Variants in KCNV1 observed in about 807,000 individuals in gnomAD.
KCNV1 encodes the protein potassium voltage-gated channel subfamily V member 1.
KCNV1 carries 2 observed loss-of-function variants against 36.4 expected under a neutral mutation model. The ratio of observed to expected loss-of-function variants is 0.05; its 90% confidence interval spans 0.02 to 0.17. The LOEUF (loss-of-function observed/expected upper bound fraction) is 0.17, where lower values mean the gene tolerates loss of function less well. Ranked by LOEUF, KCNV1 falls within the 10% of genes least tolerant of loss-of-function variation. KCNV1 has a pLI of 1.00. For missense variants in KCNV1, 321 were observed against 643.6 expected (o/e 0.50, Z 5.42); for synonymous variants, 280 against 261.1 (o/e 1.07, Z -0.70).
chr8:109,964,210 G>A lies in KCNV1; in HGVS notation c.*3878C>T, dbSNP rs1306222510. The A allele has an allele frequency of 2.0e-5, 3 of 151,398 alleles. No individual in the cohort carries two copies. The highest frequency in any genetic ancestry group is 4.4e-5 in the Non-Finnish European group (3 of 67,890). The allele number at this position is 151,398 out of a possible 1,614,324, so 9.4% of individuals were successfully genotyped here. The stretch of plus-strand genomic sequence containing the variant: ...GGATATGAACAGACACTTTTCAAAA[G>A]AAAACATACATGCAGCCAACAATGA... On this transcript the variant is annotated 3_prime_UTR_variant, in exon 4 of 4. Coordinates refer to ENST00000524391, the MANE Select transcript of KCNV1 (RefSeq NM_014379.4).
In KCNV1 at chr8:109,973,921, G is replaced by C. The variant is rs1450425730; in HGVS notation, c.461+7C>G. The C allele has an allele frequency of 6.3e-7, 1 of 1,582,366 alleles. No homozygotes were observed. The highest frequency in any genetic ancestry group is 8.6e-7 in the Non-Finnish European group (1 of 1,162,658). On this transcript the variant is annotated splice_region_variant and intron_variant, in intron 2 of 3. Coordinates refer to ENST00000524391, the MANE Select transcript of KCNV1 (RefSeq NM_014379.4). ...CCCCGCCCAGCCGCCGCGTGCCTCCGGGGTACCTGTCCCTGCAGCAGGAAT... is the reference window on the plus strand; with the variant it reads ...CCCCGCCCAGCCGCCGCGTGCCTCCCGGGTACCTGTCCCTGCAGCAGGAAT...
chr8:109,970,926 C>A (rs1289931390), intron 3 of KCNV1, among the ~76,000 whole-genome samples: 1 of 152,042 alleles, frequency 6.6e-6, no homozygotes, highest in Non-Finnish European at 1.5e-5. Flanking sequence ...TTATTGGAAA[C>A]CCCATTATCA....
In KCNV1 at chr8:109,974,344, G is replaced by T. The variant is rs1189193664; in HGVS notation, c.45C>A (p.Ser15Arg). 1.3e-6 allele frequency: 2 copies of T among 1,536,002 alleles called. No individual in the cohort carries two copies. Among genetic ancestry groups the T allele is most frequent in the African/African-American group, 1.4e-5 (1 of 73,120 alleles). ...TAGAGTCCAGGGAGGTCAGGGAGCC[G>T]CTGTCCAGCGGCGAGTCCAGCAGCG... ...GRALLDSPLD[S>R]GSLTSLDSSV... Residue 15 changes from serine to arginine, a missense_variant, in exon 2 of 4, where the codon AGC becomes AGA. Physicochemically the swap from Ser to Arg is moderately radical, Grantham distance 110. Coordinates refer to ENST00000524391, the MANE Select transcript of KCNV1 (RefSeq NM_014379.4). This position sits in a 1 kb window ranked among gnomAD's most constrained non-coding sequence, Gnocchi z 6.2.
At position 109,964,166 on chromosome 8, in the gene KCNV1, C is replaced by T. The variant is rs559457550; in HGVS notation, c.*3922G>A. The stretch of plus-strand genomic sequence containing the variant: ...AACAAATTTACAAGAAAAAAAAATC[C>T]CATTAAAAAGTGGGCAAAGGATATG... On this transcript the variant is annotated 3_prime_UTR_variant, in exon 4 of 4. Coordinates refer to ENST00000524391, the MANE Select transcript of KCNV1 (RefSeq NM_014379.4). The T allele has an allele frequency of 2.2e-4, 34 of 151,760 alleles. No homozygotes were observed. In the East Asian group the frequency reaches 5.2e-3, roughly 23 times the overall value. 9.4% of individuals were successfully genotyped at this position (151,760 alleles called of 1,614,324 possible).
chr8:109,973,159 T>A (rs1703474896), intron 2 of KCNV1, among the ~76,000 whole-genome samples: 1 of 152,054 alleles, frequency 6.6e-6, no homozygotes, highest in African/African-American at 2.4e-5. Context: ...TTTTGTATTT[T>A]TAGTAGAGAC....
In KCNV1 at chr8:109,974,038, G is replaced by A; in HGVS notation, c.351C>T (p.Tyr117=). The A allele has an allele frequency of 6.2e-7, 1 of 1,613,394 alleles. No individual in the cohort carries two copies. Among genetic ancestry groups the A allele is most frequent in the South Asian group, 1.1e-5 (1 of 90,966 alleles). Residue 117 remains tyrosine (Y), a synonymous_variant, in exon 2 of 4, where the codon TAC becomes TAT. Transcript: ENST00000524391. The surrounding 1 kb of genome is among the most constrained non-coding windows in gnomAD (Gnocchi z 6.2). Reference sequence around the variant, plus strand: ...CCATGACATGCAGGCGGCCGGTGCGGTAGTAGTGCAGGACATATCGGAACG... The same window carrying A: ...CCATGACATGCAGGCGGCCGGTGCGATAGTAGTGCAGGACATATCGGAACG... ...SQAFRYVLHY[Y]RTGRLHVMEQ...
chr8:109,974,389 C>G lies in KCNV1; in HGVS notation c.-1G>C, dbSNP rs926210428. ...GCAGCGCTCTGCCGCTGGAAGGCATCTCTAACCCAGTCGCCGCGGCCTGAG... is the reference window on the plus strand; with the variant it reads ...GCAGCGCTCTGCCGCTGGAAGGCATGTCTAACCCAGTCGCCGCGGCCTGAG... On this transcript the variant is annotated 5_prime_UTR_variant, in exon 2 of 4. Coordinates refer to ENST00000524391, the MANE Select transcript of KCNV1 (RefSeq NM_014379.4). This position sits in a 1 kb window ranked among gnomAD's most constrained non-coding sequence, Gnocchi z 6.2. The G allele has an allele frequency of 1.4e-6, 2 of 1,473,454 alleles. No homozygotes were observed. The highest frequency in any genetic ancestry group is 1.8e-6 in the Non-Finnish European group (2 of 1,118,036). 91.3% of individuals were successfully genotyped at this position (1,473,454 alleles called of 1,614,324 possible).
chr8:109,969,805 A>T (rs932415811), intron 3 of KCNV1, among the ~76,000 whole-genome samples: 1 of 151,338 alleles, frequency 6.6e-6, no homozygotes, highest in African/African-American at 2.4e-5. Context: ...AGATCACGCC[A>T]TTGCAATCCA....
Position 109,972,347 on chromosome 8 carries a change from G to A in KCNV1, c.902C>T (p.Thr301Met). Residue 301 changes from threonine (T) to methionine (M), a missense_variant, in exon 3 of 4, where the codon ACG becomes ATG. By Grantham distance (81) the Thr-to-Met change is moderately conservative (BLOSUM62 -1). Transcript: ENST00000524391. This position sits in a 1 kb window ranked among gnomAD's most constrained non-coding sequence, Gnocchi z 5.2. ...LVESLSGSQT[T>M]QELENVGRIV... ...GCGCCCCACGTTCTCCAGCTCCTGCGTGGTCTGGCTCCCACTTAGGCTCTC... is the reference window on the plus strand; with the variant it reads ...GCGCCCCACGTTCTCCAGCTCCTGCATGGTCTGGCTCCCACTTAGGCTCTC... 6.2e-7 allele frequency: 1 copy of A among 1,614,120 alleles called. No homozygotes were observed. Among genetic ancestry groups the A allele is most frequent in the Non-Finnish European group, 8.5e-7 (1 of 1,180,020 alleles).
In KCNV1 at chr8:109,965,876, CGGGTCA is replaced by C. The variant is rs1819938294; in HGVS notation, c.*2206_*2211del. On this transcript the variant is annotated 3_prime_UTR_variant, in exon 4 of 4. Transcript: ENST00000524391. ...TTTGACTTTTAGGAGTGTCGTTTTC[CGGGTCA>C]GGCAGATTGGTATTCAGCGCTGGCT... 1 of 152,100 alleles carries C rather than the reference CGGGTCA, an allele frequency of 6.6e-6. No homozygotes were observed. Among genetic ancestry groups the C allele is most frequent in the African/African-American group, 2.4e-5 (1 of 41,436 alleles). The allele number at this position is 152,100 out of a possible 1,614,324, so 9.4% of individuals were successfully genotyped here. A position where few individuals can be genotyped will look rare whatever the true frequency, so the allele number is the denominator to read the frequency against.
rs1284216322 is a variant in KCNV1 at position 109,974,626 on chromosome 8, G to A, written c.-238C>T. The A allele has an allele frequency of 3.5e-6, 2 of 573,152 alleles. No homozygotes were observed. The highest frequency in any genetic ancestry group is 2.9e-5 in the East Asian group (1 of 34,292). 35.5% of individuals were successfully genotyped at this position (573,152 alleles called of 1,614,324 possible). A position where few individuals can be genotyped will look rare whatever the true frequency, so the allele number is the denominator to read the frequency against. ...AAGTGGCAGAAAGAGGAGACAGGGA[G>A]CAGAGGAAGGGTCGCGCTAAGAGAG... On this transcript the variant is annotated 5_prime_UTR_variant, in exon 2 of 4. Transcript: ENST00000524391. The surrounding 1 kb of genome is among the most constrained non-coding windows in gnomAD (Gnocchi z 6.2).
chr8:109,969,477 AT>A (rs1198638298), intron 3 of KCNV1, among the ~76,000 whole-genome samples: 1 of 152,088 alleles, frequency 6.6e-6, no homozygotes, highest in Non-Finnish European at 1.5e-5. Context: ...AGATCTGAGG[AT>A]TTATTAAACC....
rs1819974160 is a variant in KCNV1 at position 109,968,767 on chromosome 8, C to T, written c.992-168G>A. On this transcript the variant is annotated intron_variant, in intron 3 of 3. Coordinates refer to ENST00000524391, the MANE Select transcript of KCNV1 (RefSeq NM_014379.4). This position sits in a 1 kb window ranked among gnomAD's most constrained non-coding sequence, Gnocchi z 5.3. The stretch of plus-strand genomic sequence containing the variant: ...ATACAAAGTTGATTAAATCATAATC[C>T]TTGTGCCAGGAAGTTCACAGTCTAG... Among the ~76,000 whole-genome samples the T allele has an allele frequency of 6.6e-6, 1 of 152,064 alleles. No homozygotes were observed. Among genetic ancestry groups the T allele is most frequent in the South Asian group, 2.1e-4 (1 of 4,814 alleles).
In KCNV1 at chr8:109,964,406, T is replaced by C. The variant is rs1279897376; in HGVS notation, c.*3682A>G. On this transcript the variant is annotated 3_prime_UTR_variant, in exon 4 of 4. Coordinates refer to ENST00000524391, the MANE Select transcript of KCNV1 (RefSeq NM_014379.4). ...AACGCATATACACTGATACTGGGAG[T>C]GTAAATTAGTTCAGCCATGTGAGAG... The C allele has an allele frequency of 6.7e-6, 1 of 149,940 alleles. No individual in the cohort carries two copies. The highest frequency in any genetic ancestry group is 1.5e-5 in the Non-Finnish European group (1 of 67,754). 9.3% of individuals were successfully genotyped at this position (149,940 alleles called of 1,614,324 possible). A position where few individuals can be genotyped will look rare whatever the true frequency, so the allele number is the denominator to read the frequency against.
At chr8:109,970,622 A>T (rs1159273517) in intron 3 of KCNV1, among the ~76,000 whole-genome samples, 1 of 152,188 alleles carries the variant, frequency 6.6e-6, no homozygotes, top group African/African-American at 2.4e-5. Context: ...GAAATAGGTC[A>T]TCTATGTGTA....
In KCNV1 at chr8:109,967,874, A is replaced by T; in HGVS notation, c.*214T>A. The stretch of plus-strand genomic sequence containing the variant: ...GGCCCAGTTGTATTTGGTTGTGTTA[A>T]TTGGCTATTTTGGACACTCAAATGT... On this transcript the variant is annotated 3_prime_UTR_variant, in exon 4 of 4. Transcript: ENST00000524391. The T allele has an allele frequency of 2.1e-6, 1 of 483,498 alleles. No individual in the cohort carries two copies. Among genetic ancestry groups the T allele is most frequent in the East Asian group, 3.1e-5 (1 of 32,382 alleles). The allele number at this position is 483,498 out of a possible 1,614,324, so 30.0% of individuals were successfully genotyped here. A position where few individuals can be genotyped will look rare whatever the true frequency, so the allele number is the denominator to read the frequency against.
In KCNV1 at chr8:109,974,359, G is replaced by C; in HGVS notation, c.30C>G (p.Asp10Glu). The C allele has an allele frequency of 2.0e-5, 31 of 1,519,502 alleles. No individual in the cohort carries two copies. Among genetic ancestry groups the C allele is most frequent in the Non-Finnish European group, 2.7e-5 (31 of 1,139,158 alleles). The allele number at this position is 1,519,502 out of a possible 1,614,324, so 94.1% of individuals were successfully genotyped here. A position where few individuals can be genotyped will look rare whatever the true frequency, so the allele number is the denominator to read the frequency against. The change falls in exon 2 of 4, where the codon GAC (aspartate) becomes GAG (glutamate). Residue 10 changes from aspartate to glutamate, a missense_variant. Asp to Glu is a conservative substitution (Grantham distance 45, BLOSUM62 2). Around this residue, in one of 5 missense-constraint regions of KCNV1, gnomAD observed 39 missense variants for 50.8 expected, o/e 0.77. Coordinates refer to ENST00000524391, the MANE Select transcript of KCNV1 (RefSeq NM_014379.4). This position sits in a 1 kb window ranked among gnomAD's most constrained non-coding sequence, Gnocchi z 6.2. The stretch of plus-strand genomic sequence containing the variant: ...TCAGGGAGCCGCTGTCCAGCGGCGA[G>C]TCCAGCAGCGCTCTGCCGCTGGAAG... MPSSGRALLDSPLDSGSLTS... is the reference protein window; with the variant it reads MPSSGRALLESPLDSGSLTS...
In KCNV1 at chr8:109,972,799, A is replaced by G. The variant is rs1321239585; in HGVS notation, c.462-12T>C. The G allele has an allele frequency of 1.3e-6, 2 of 1,564,682 alleles. No individual in the cohort carries two copies. Among genetic ancestry groups the G allele is most frequent in the South Asian group, 2.4e-5 (2 of 83,212 alleles). ...TCCTTCTGAAGTATCTTTTAGAGAA[A>G]ACAATTTGGTGATTAGTCTAACTTT... On this transcript the variant is annotated splice_polypyrimidine_tract_variant and intron_variant, in intron 2 of 3. Coordinates refer to ENST00000524391, the MANE Select transcript of KCNV1 (RefSeq NM_014379.4). This position sits in a 1 kb window ranked among gnomAD's most constrained non-coding sequence, Gnocchi z 5.2.
At position 109,972,280 on chromosome 8, in the gene KCNV1, T is replaced by C. The variant is rs754367305; in HGVS notation, c.969A>G (p.Leu323=). 4.4e-6 allele frequency: 7 copies of C among 1,600,850 alleles called. No individual in the cohort carries two copies. The change falls in exon 3 of 4, where the codon CTA becomes CTG. Residue 323 remains leucine (L), a synonymous_variant. Coordinates refer to ENST00000524391, the MANE Select transcript of KCNV1 (RefSeq NM_014379.4). This position sits in a 1 kb window ranked among gnomAD's most constrained non-coding sequence, Gnocchi z 5.2. ...VLRLLRALRM[L]KLGRHSTGLR... Reference sequence around the variant, plus strand: ...TACCTGTGGAATGTCTGCCCAGCTTTAGCATGCGCAGAGCCCTGAGCAGCC... The same window carrying C: ...TACCTGTGGAATGTCTGCCCAGCTTCAGCATGCGCAGAGCCCTGAGCAGCC...
Sources: gnomAD v4.1 joint callset for allele counts (sites outside exome capture counted in the v4.1 genomes callset) on GRCh38, gnomAD v4.1.1 for gene constraint, gnomAD v4.1.1 regional missense constraint, Gnocchi (gnomAD v3.1) non-coding constraint, MANE v1.5 for transcripts, NCBI Gene and HGNC (gene_info 2026-07-23, HGNC 2026-07-21) for gene names.